Variants in UGT8 observed in about 807,000 individuals in gnomAD.
UGT8 encodes 2-hydroxyacylsphingosine 1-beta-galactosyltransferase.
UGT8 carries 12 observed loss-of-function variants against 40.5 expected under a neutral mutation model. The ratio of observed to expected loss-of-function variants is 0.30; its 90% confidence interval spans 0.19 to 0.48. The LOEUF is 0.48. Among genes scored for constraint, UGT8 ranks in the 20% least tolerant of loss-of-function variants. The probability of loss-of-function intolerance (pLI) is 0.99; values close to 1 mark genes in which losing one functional copy is unlikely to be tolerated. For synonymous variants in UGT8, 224 were observed against 240.4 expected, an observed-to-expected ratio of 0.93 and a Z score of 0.63; for missense variants, 513 against 648.7, an observed-to-expected ratio of 0.79 and a Z score of 2.27.
chr4:114,618,822 T>C (rs1490942183), intron 1 of UGT8, among the ~76,000 whole-genome samples: 1 of 152,138 alleles, frequency 6.6e-6, no homozygotes, highest in Non-Finnish European at 1.5e-5. Context: ...ATATAGTGAT[T>C]TTATTTTTCA....
intron 2 of UGT8, among the ~76,000 whole-genome samples, chr4:114,624,604 T>G (rs1732071048): frequency 1.3e-5 from 2 of 152,184 alleles, no homozygotes; most frequent in African/African-American, 4.8e-5. Flanking sequence ...GATTTCTAGT[T>G]CTGGTACTAC....
intron 1 of UGT8, among the ~76,000 whole-genome samples, chr4:114,615,350 T>C (rs1224989165): frequency 6.6e-6 from 1 of 152,156 alleles, no homozygotes; most frequent in Non-Finnish European, 1.5e-5. Context: ...TGCTGTTTAT[T>C]GATACTTGTA....
chr4:114,598,497 G>T (rs1730217426), upstream of UGT8: 1 of 152,234 alleles, frequency 6.6e-6, no homozygotes, highest in Admixed American at 6.5e-5. Flanking sequence ...ATCCCAACGC[G>T]CTGCCCCTTG....
At chr4:114,672,584 G>A (rs1023110161) in intron 5 of UGT8, among the ~76,000 whole-genome samples, 17 of 152,014 alleles carry the variant, frequency 1.1e-4, no homozygotes, top group African/African-American at 3.6e-4. Flanking sequence ...CAAATACTGC[G>A]TGTTCTCACT....
At chr4:114,639,298 T>G (rs916547227) in intron 2 of UGT8, among the ~76,000 whole-genome samples, 2 of 152,218 alleles carry the variant, frequency 1.3e-5, no homozygotes, top group Non-Finnish European at 2.9e-5. Context: ...CCTATTCCAG[T>G]CAGATACTCG....
At chr4:114,610,323 T>A (rs1275758031) in intron 1 of UGT8, among the ~76,000 whole-genome samples, 1 of 152,240 alleles carries the variant, frequency 6.6e-6, no homozygotes, top group East Asian at 1.9e-4. Context: ...AAATTGTGAC[T>A]CATTTATTTA....
At position 114,614,930 on chromosome 4, in the gene UGT8, A is replaced by G. The variant is rs1313477808; in HGVS notation, c.-2-7949A>G. 2.0e-5 allele frequency among the ~76,000 whole-genome samples: 3 copies of G among 151,176 alleles called. No individual in the cohort carries two copies. The East Asian group carries it at 5.8e-4, about 29-fold the overall frequency. On this transcript the variant is annotated intron_variant, in intron 1 of 5. Coordinates refer to ENST00000310836, the MANE Select transcript of UGT8 (RefSeq NM_001128174.3). ...TGAATTCTTTCTTCTCCTACCTCAA[A>G]TCAGTATGTTCCCATTCTAGTGATT... is the stretch of plus-strand genomic sequence containing the variant.
intron 2 of UGT8, among the ~76,000 whole-genome samples, chr4:114,626,194 A>G (rs1440124500): frequency 1.6e-4 from 25 of 152,184 alleles, no homozygotes; most frequent in Non-Finnish European, 1.5e-5. Flanking sequence ...TATGCTTATG[A>G]ACACATGTTC....
intron 2 of UGT8, among the ~76,000 whole-genome samples, chr4:114,642,620 C>A (rs1217861476): frequency 1.3e-5 from 2 of 152,128 alleles, no homozygotes; most frequent in East Asian, 1.9e-4. Flanking sequence ...AACTAGCCCT[C>A]ATCACTGCAG....
chr4:114,627,527 G>A (rs954362819), intron 2 of UGT8, among the ~76,000 whole-genome samples: 8 of 152,016 alleles, frequency 5.3e-5, no homozygotes, highest in Admixed American at 3.3e-4. Context: ...CAAAGTGCTG[G>A]GATTACAGGT....
chr4:114,640,394 G>A (rs1733150069), intron 2 of UGT8, among the ~76,000 whole-genome samples: 1 of 152,122 alleles, frequency 6.6e-6, no homozygotes. Context: ...TTTCCAGGAG[G>A]AATACATTTA....
chr4:114,658,395 A>G (rs919215953), intron 2 of UGT8, among the ~76,000 whole-genome samples: 2 of 152,112 alleles, frequency 1.3e-5, no homozygotes, highest in African/African-American at 2.4e-5. Context: ...AGGTTTCTCT[A>G]CTGTGCTGGC....
At chr4:114,645,503 G>A (rs959384912) in intron 2 of UGT8, among the ~76,000 whole-genome samples, 3 of 151,808 alleles carry the variant, frequency 2.0e-5, no homozygotes, top group Non-Finnish European at 1.5e-5. Flanking sequence ...TTTTCATCAC[G>A]CCATATTACA....
intron 2 of UGT8, among the ~76,000 whole-genome samples, chr4:114,658,272 A>C (rs1342260039): frequency 6.6e-6 from 1 of 152,040 alleles, no homozygotes; most frequent in Admixed American, 6.6e-5. Flanking sequence ...AAGAAAAGGA[A>C]CTCCAACACC....
Position 114,622,933 on chromosome 4 carries a change from C to A in UGT8, c.53C>A (p.Ala18Glu), listed in dbSNP as rs977238511. 1.2e-6 allele frequency: 2 copies of A among 1,613,898 alleles called. No homozygotes were observed. The highest frequency in any genetic ancestry group is 2.7e-5 in the African/African-American group (2 of 74,982). ...FILLWSAVGIAKAAKIIIVPP... is the reference protein window; with the variant it reads ...FILLWSAVGIEKAAKIIIVPP... ...CTCCTGTGGAGTGCTGTTGGGATAG[C>A]GAAGGCTGCCAAAATCATCATCGTG... Residue 18 changes from alanine (A) to glutamate (E), a missense_variant, in exon 2 of 6, where the codon GCG (alanine) becomes GAG (glutamate). Ala to Glu is a moderately radical substitution (Grantham distance 107). This residue lies in a region of UGT8 where 335 missense variants were observed against 444.8 expected (regional missense o/e 0.75). Coordinates refer to ENST00000310836, the MANE Select transcript of UGT8 (RefSeq NM_001128174.3).
At chr4:114,656,558 G>C (rs1348683008) in intron 2 of UGT8, among the ~76,000 whole-genome samples, 1 of 152,152 alleles carries the variant, frequency 6.6e-6, no homozygotes. Flanking sequence ...AAAGAAATAA[G>C]TATTGAGCAC....
At position 114,665,771 on chromosome 4, in the gene UGT8, T is replaced by C; in HGVS notation, c.1042+15T>C. ...TGACCTGCTTGGTAAGTCAATGATG[T>C]GTGGTTACTTACTTGGCTGTTAGGT... On this transcript the variant is annotated intron_variant, in intron 4 of 5. Transcript: ENST00000310836. 2.5e-6 allele frequency: 4 copies of C among 1,588,756 alleles called. No homozygotes were observed. The highest frequency in any genetic ancestry group is 3.4e-6 in the Non-Finnish European group (4 of 1,170,160).
intron 2 of UGT8, among the ~76,000 whole-genome samples, chr4:114,643,601 T>C (rs1346114041): frequency 6.6e-6 from 1 of 152,204 alleles, no homozygotes; most frequent in East Asian, 1.9e-4. Context: ...CTGATAGTGC[T>C]GAGCACAGTA....
At chr4:114,617,783 A>G (rs544394909) in intron 1 of UGT8, among the ~76,000 whole-genome samples, 5 of 152,364 alleles carry the variant, frequency 3.3e-5, no homozygotes, top group South Asian at 2.1e-4. Flanking sequence ...TCAAAGGCTG[A>G]CAGTAAACAT....
Sources: allele counts gnomAD v4.1 joint callset (sites outside exome capture counted in the v4.1 genomes callset), GRCh38; gene constraint gnomAD v4.1.1; regional missense constraint gnomAD v4.1.1; transcripts MANE v1.5; gene names NCBI Gene and HGNC (gene_info 2026-07-23, HGNC 2026-07-21).